The following SLC41A3 variants were observed in gnomAD, a reference collection of about 807,000 sequenced individuals.
SLC41A3 encodes the protein solute carrier family 41 member 3, also known as SLC41A1-like 2.
SLC41A3 carries 44 observed loss-of-function variants against 45.4 expected under a neutral mutation model. The ratio of observed to expected loss-of-function variants is 0.97; its 90% CI spans 0.76 to 1.25. The LOEUF is 1.25. SLC41A3 is among the 50% of genes most tolerant of loss of function. The pLI, the probability that SLC41A3 is intolerant of heterozygous loss-of-function variation, is 0.00. For missense variants in SLC41A3, 550 were observed against 600.6 expected, an observed-to-expected ratio of 0.92 and a Z score of 0.88; for synonymous variants, 256 against 252.4, an observed-to-expected ratio of 1.01 and a Z score of -0.13.
At position 126,007,006 on chromosome 3, in the gene SLC41A3, C is replaced by CG. The variant is rs774698682; in HGVS notation, c.*9dup. 5.3e-5 allele frequency: 85 copies of CG among 1,613,946 alleles called. No homozygotes were observed. Among genetic ancestry groups the CG allele is most frequent in the Non-Finnish European group, 6.7e-5 (79 of 1,179,962 alleles). On this transcript the variant is annotated 3_prime_UTR_variant, in exon 11 of 11. Coordinates refer to ENST00000360370, the MANE Select transcript of SLC41A3 (RefSeq NM_017836.4). ...AATTCTAATGAGCAAATGGGACCAGCGGGGCCCAGTTAGGGAGGTCCAGAT... is the reference window on the plus strand; with the variant it reads ...AATTCTAATGAGCAAATGGGACCAGCGGGGGCCCAGTTAGGGAGGTCCAGAT...
At chr3:126,078,620 T>G (rs191127303) in intron 1 of SLC41A3, among the ~76,000 whole-genome samples, 7 of 152,208 alleles carry the variant, frequency 4.6e-5, no homozygotes, top group Non-Finnish European at 8.8e-5. Context: ...CTATGCAGTA[T>G]GCCTTTACCT....
At chr3:126,074,683 T>G (rs66671308) in intron 1 of SLC41A3, among the ~76,000 whole-genome samples, 26,051 of 151,858 alleles carry the variant, frequency 0.17, 2,351 homozygotes, top group Middle Eastern at 0.24. Flanking sequence ...GGTTGTTGTT[T>G]TTTTTTTGTT....
At chr3:126,014,756 G>A (rs1940099606) in intron 8 of SLC41A3, among the ~76,000 whole-genome samples, 1 of 152,244 alleles carries the variant, frequency 6.6e-6, no homozygotes, top group Non-Finnish European at 1.5e-5. Flanking sequence ...GCCAGGGCCT[G>A]GGGGCTAAAC....
intron 9 of SLC41A3, among the ~76,000 whole-genome samples, chr3:126,011,601 T>C (rs947552649): frequency 5.9e-5 from 9 of 152,090 alleles, no homozygotes; most frequent in Non-Finnish European, 8.8e-5. Context: ...AAACCCCAAA[T>C]AGGATAAACC....
chr3:126,039,587 T>C (rs150067165), intron 3 of SLC41A3, among the ~76,000 whole-genome samples: 1 of 152,238 alleles, frequency 6.6e-6, no homozygotes, highest in African/African-American at 2.4e-5. Context: ...GTTTCTCCAC[T>C]GCAAACACTA....
intron 2 of SLC41A3, among the ~76,000 whole-genome samples, chr3:126,055,184 T>C (rs1417531433): frequency 6.6e-6 from 1 of 152,108 alleles, no homozygotes; most frequent in Non-Finnish European, 1.5e-5. Flanking sequence ...GGTGTCCTCA[T>C]GGGTTGAAAT....
At chr3:126,027,439 C>G (rs1190824331) in intron 4 of SLC41A3, among the ~76,000 whole-genome samples, 2 of 152,166 alleles carry the variant, frequency 1.3e-5, no homozygotes. Flanking sequence ...ACAAGCTAAG[C>G]AGATGCCAGC....
chr3:126,066,077 A>G (rs76247676), intron 2 of SLC41A3, among the ~76,000 whole-genome samples: 12,603 of 152,250 alleles, frequency 0.083, 653 homozygotes, highest in African/African-American at 0.13. Flanking sequence ...TCACCAACAG[A>G]AGCAAGGCCA....
At chr3:126,036,322 C>T (rs893895859) in intron 3 of SLC41A3, among the ~76,000 whole-genome samples, 1 of 152,238 alleles carries the variant, frequency 6.6e-6, no homozygotes, top group Non-Finnish European at 1.5e-5. Context: ...CAACACACCC[C>T]CCTTGCCCTT....
At chr3:126,029,316 T>C (rs1269040241) in intron 4 of SLC41A3, among the ~76,000 whole-genome samples, 1 of 152,154 alleles carries the variant, frequency 6.6e-6, no homozygotes, top group Non-Finnish European at 1.5e-5. Context: ...TGCTGTCATC[T>C]ACAATGAGTG....
chr3:126,094,440 A>T (rs1945553995), intron 1 of SLC41A3, among the ~76,000 whole-genome samples: 1 of 152,176 alleles, frequency 6.6e-6, no homozygotes. Context: ...TAGCTCCAAC[A>T]TTTTCGCCTT....
chr3:126,056,233 G>T, intron 2 of SLC41A3: 1 of 1,243,358 alleles, frequency 8.0e-7, no homozygotes, highest in South Asian at 1.5e-5. Context: ...AAGCAGCAAG[G>T]GCAGGTTGAG....
chr3:126,089,062 G>A (rs61048217), upstream of SLC41A3, among the ~76,000 whole-genome samples: 2 of 152,188 alleles, frequency 1.3e-5, no homozygotes, highest in South Asian at 4.2e-4. Context: ...AGATGAAGCA[G>A]TTAATATGCT....
intron 1 of SLC41A3, among the ~76,000 whole-genome samples, chr3:126,081,788 C>A (rs1242850699): frequency 6.6e-6 from 1 of 152,240 alleles, no homozygotes; most frequent in Non-Finnish European, 1.5e-5. Context: ...CCAGGCCACA[C>A]ATCCTCACTC....
intron 2 of SLC41A3, among the ~76,000 whole-genome samples, chr3:126,064,173 G>A (rs1010472325): frequency 7.2e-5 from 11 of 152,018 alleles, no homozygotes; most frequent in African/African-American, 2.4e-4. Context: ...ACTACGAAGT[G>A]CGGCCTCAAC....
chr3:126,066,353 C>A (rs1338556224), intron 2 of SLC41A3, among the ~76,000 whole-genome samples: 1 of 152,194 alleles, frequency 6.6e-6, no homozygotes, highest in African/African-American at 2.4e-5. Flanking sequence ...CTAAACTTCA[C>A]CTGGATTCTT....
intron 2 of SLC41A3, among the ~76,000 whole-genome samples, chr3:126,060,439 T>TACACACACACACACACAC (rs60317078): frequency 0.11 from 16,775 of 146,184 alleles, 1,229 homozygotes; most frequent in Middle Eastern, 0.19. Flanking sequence ...GTGAGAAGGA[T>TACACACACACACACACAC]ACACACACAC....
chr3:126,075,079 G>C (rs1379224786), intron 1 of SLC41A3, among the ~76,000 whole-genome samples: 8 of 152,002 alleles, frequency 5.3e-5, no homozygotes, highest in Non-Finnish European at 7.4e-5. Context: ...TGAGCAGCTG[G>C]GACTGCAGGT....
intron 10 of SLC41A3, among the ~76,000 whole-genome samples, chr3:126,007,890 C>A (rs780514383): frequency 1.3e-5 from 2 of 152,240 alleles, no homozygotes; most frequent in Non-Finnish European, 2.9e-5. Context: ...AGGCCCCAGA[C>A]CCACTGGGGA....
Sources: gnomAD v4.1 joint callset for allele counts (sites outside exome capture counted in the v4.1 genomes callset) on GRCh38, gnomAD v4.1.1 for gene constraint, MANE v1.5 for transcripts, NCBI Gene and HGNC (gene_info 2026-07-23, HGNC 2026-07-21) for gene names.